The following MTHFS variants were observed in gnomAD, a reference collection of about 807,000 sequenced individuals.
The protein encoded by MTHFS is methenyltetrahydrofolate synthetase, also known as 5-formyltetrahydrofolate cyclo-ligase.
In MTHFS, 7 loss-of-function variants were observed where a neutral mutation model predicts 12.7. That is an observed-to-expected ratio of 0.55 (90% confidence interval 0.31 to 1.03). The LOEUF is 1.03. MTHFS is among the 50% of genes least tolerant of loss of function. The probability of loss-of-function intolerance (pLI) is 0.05; values close to 1 mark genes in which losing one functional copy is unlikely to be tolerated. For synonymous variants in MTHFS, 100 were observed against 97.1 expected, an observed-to-expected ratio of 1.03 and a Z score of -0.18; for missense variants, 252 against 258.1, an observed-to-expected ratio of 0.98 and a Z score of 0.16.
chr15:79,894,189 T>C (rs1398205643), intron 1 of MTHFS, among the ~76,000 whole-genome samples: 1 of 152,186 alleles, frequency 6.6e-6, no homozygotes, highest in Non-Finnish European at 1.5e-5. Flanking sequence ...GAGACCACCC[T>C]GGCCAACATG....
intron 2 of MTHFS, among the ~76,000 whole-genome samples, chr15:79,878,764 G>C (rs1468900463): frequency 1.3e-5 from 2 of 151,654 alleles, no homozygotes; most frequent in Non-Finnish European, 2.9e-5. Flanking sequence ...TCTGTGTCCT[G>C]GCTTCTTAGA....
rs759660749 is a variant in MTHFS, at chr15:79,845,237, G to A, written c.585C>T (p.Val195=). Residue 195 remains valine, a synonymous_variant, in exon 3 of 3, where the codon GTC becomes GTT. Transcript: ENST00000258874. ...VNENDMKVDE[V]LYEDSSTA ...AAGCTGTTGACGAGTCTTCGTAAAG[G>A]ACTTCATCTACCTTCATGTCGTTTT... 3.1e-6 allele frequency: 5 copies of A among 1,614,010 alleles called. No homozygotes were observed. Among genetic ancestry groups the A allele is most frequent in the Non-Finnish European group, 3.4e-6 (4 of 1,180,030 alleles).
Position 79,845,093 on chromosome 15 carries a change from T to C in MTHFS, c.*117A>G, listed in dbSNP as rs2033584690. 3 of 1,305,244 alleles carry C rather than the reference T, an allele frequency of 2.3e-6. No individual in the cohort carries two copies. The highest frequency in any genetic ancestry group is 3.1e-6 in the Non-Finnish European group (3 of 961,970). The allele number at this position is 1,305,244 out of a possible 1,614,324, so 80.9% of individuals were successfully genotyped here. On this transcript the variant is annotated 3_prime_UTR_variant, in exon 3 of 3. Coordinates refer to ENST00000258874, the MANE Select transcript of MTHFS (RefSeq NM_006441.4). ...GTATTTCATAATTACAATTTTAAAA[T>C]GCAGTCTGTATTCACATTAATGAAC...
chr15:79,844,627 T>C lies in MTHFS; in HGVS notation c.*583A>G, dbSNP rs184889216. On this transcript the variant is annotated 3_prime_UTR_variant, in exon 3 of 3. Transcript: ENST00000258874. Reference sequence around the variant, plus strand: ...TGATACATGCAGTGATGGTAACCAATCAGTGGAGTAAAAGTATTTAAATCA... The same window carrying C: ...TGATACATGCAGTGATGGTAACCAACCAGTGGAGTAAAAGTATTTAAATCA... 6.6e-6 allele frequency among the ~76,000 whole-genome samples: 1 copy of C among 152,226 alleles called. No homozygotes were observed. The highest frequency in any genetic ancestry group is 1.9e-4 in the East Asian group (1 of 5,186).
intron 1 of MTHFS, among the ~76,000 whole-genome samples, chr15:79,893,378 G>C (rs1042203184): frequency 1.3e-5 from 2 of 149,824 alleles, no homozygotes; most frequent in African/African-American, 4.9e-5. Flanking sequence ...CTCCAGCCTG[G>C]GCAACAAAGC....
chr15:79,871,964 G>A (rs2034113909), intron 2 of MTHFS, among the ~76,000 whole-genome samples: 1 of 151,758 alleles, frequency 6.6e-6, no homozygotes, highest in Non-Finnish European at 1.5e-5. Context: ...AATTAGCCGG[G>A]CATGGTGGTG....
chr15:79,879,285 C>T (rs1032157413), intron 2 of MTHFS, among the ~76,000 whole-genome samples: 3 of 134,418 alleles, frequency 2.2e-5, no homozygotes, highest in African/African-American at 2.8e-5. Flanking sequence ...AAAGTTTTTG[C>T]TTTAATATTT....
intron 2 of MTHFS, among the ~76,000 whole-genome samples, chr15:79,861,290 C>G (rs2033908922): frequency 6.6e-6 from 1 of 152,158 alleles, no homozygotes; most frequent in African/African-American, 2.4e-5. Context: ...CCTAACCACT[C>G]CTTATCCATC....
At chr15:79,877,178 GA>G (rs1596075807) in intron 2 of MTHFS, 1 of 151,276 alleles carries the variant, frequency 6.6e-6, no homozygotes, top group Non-Finnish European at 1.5e-5. Flanking sequence ...CGTGAAAAAA[GA>G]AAAAAAAGAC....
intron 2 of MTHFS, among the ~76,000 whole-genome samples, chr15:79,881,660 T>A (rs373043998): frequency 9.2e-5 from 14 of 152,180 alleles, no homozygotes; most frequent in Admixed American, 6.5e-4. Context: ...TGGGAAAATA[T>A]GACAATGTTC....
At chr15:79,862,176 C>T (rs758494912) in intron 2 of MTHFS, among the ~76,000 whole-genome samples, 17 of 134,990 alleles carry the variant, frequency 1.3e-4, no homozygotes, top group South Asian at 6.7e-4. Context: ...TCTCATATCC[C>T]TGTTTTTCAT....
At chr15:79,867,923 G>A (rs1368842024) in intron 2 of MTHFS, among the ~76,000 whole-genome samples, 2 of 152,208 alleles carry the variant, frequency 1.3e-5, no homozygotes, top group East Asian at 3.8e-4. Flanking sequence ...TGGAGTGTGT[G>A]TGTGAGAGAG....
chr15:79,855,200 C>T (rs1329484254), intron 2 of MTHFS, among the ~76,000 whole-genome samples: 2 of 152,182 alleles, frequency 1.3e-5, no homozygotes, highest in African/African-American at 2.4e-5. Context: ...ATCTATACAT[C>T]AGCTTATCCT....
chr15:79,880,498 A>G (rs546898847), intron 2 of MTHFS, among the ~76,000 whole-genome samples: 2 of 152,188 alleles, frequency 1.3e-5, no homozygotes, highest in Middle Eastern at 3.4e-3. Context: ...TTGCAATACT[A>G]TCAGTCATTC....
At chr15:79,879,496 T>A (rs1050004474) in intron 2 of MTHFS, among the ~76,000 whole-genome samples, 1 of 151,942 alleles carries the variant, frequency 6.6e-6, no homozygotes, top group African/African-American at 2.4e-5. Context: ...CCCAGCTAAT[T>A]TTTTTCCTTA....
At chr15:79,852,357 G>A (rs887450995) in intron 2 of MTHFS, among the ~76,000 whole-genome samples, 2 of 152,124 alleles carry the variant, frequency 1.3e-5, no homozygotes, top group Admixed American at 1.3e-4. Context: ...TTCAACTTCT[G>A]ATTATATACA....
chr15:79,892,959 T>C (rs756266517), intron 1 of MTHFS, among the ~76,000 whole-genome samples: 3 of 151,226 alleles, frequency 2.0e-5, no homozygotes, highest in Non-Finnish European at 4.4e-5. Context: ...AAAAAAAAAT[T>C]AAAAAAATAA....
At position 79,868,577 on chromosome 15, in the gene MTHFS, G is replaced by C. The variant is rs74249362; in HGVS notation, c.379+20516C>G. On this transcript the variant is annotated intron_variant, in intron 2 of 2. Coordinates refer to ENST00000258874, the MANE Select transcript of MTHFS (RefSeq NM_006441.4). ...GATGAGATTAACAATTGAATGAGTG[G>C]ACTCAGTAAAGTGGACAGCCCATCT... is the stretch of plus-strand genomic sequence containing the variant. Among the ~76,000 whole-genome samples, 13 of 152,300 alleles carry C rather than the reference G, an allele frequency of 8.5e-5. 1 individual carries two copies. In the East Asian group the frequency reaches 2.5e-3, roughly 29 times the overall value.
chr15:79,896,822 GCCTTCGGAGGGT>G (rs1248146175), intron 1 of MTHFS, 38 bp downstream of exon 1: 2 of 1,536,338 alleles, frequency 1.3e-6, no homozygotes, highest in Non-Finnish European at 1.7e-6. Flanking sequence ...TGGCCGCCAG[GCCTTCGGAGGGT>G]CTGTCCGCCG....
Sources: allele counts gnomAD v4.1 joint callset (sites outside exome capture counted in the v4.1 genomes callset), GRCh38; gene constraint gnomAD v4.1.1; transcripts MANE v1.5; gene names NCBI Gene and HGNC (gene_info 2026-07-23, HGNC 2026-07-21).